The following RBMS1 variants were observed in gnomAD, a reference collection of about 807,000 sequenced individuals.
RBMS1 encodes the protein RNA-binding motif, single-stranded-interacting protein 1.
In RBMS1, 17 loss-of-function variants were observed where a neutral mutation model predicts 62.3. That is an observed-to-expected ratio of 0.27 (90% CI 0.19 to 0.41). The LOEUF (loss-of-function observed/expected upper bound fraction) is 0.41. Among genes scored for constraint, RBMS1 ranks in the 10% least tolerant of loss-of-function variants. The pLI, the probability that RBMS1 is intolerant of heterozygous loss-of-function variation, is 1.00. For synonymous variants in RBMS1, 172 were observed against 170.0 expected (o/e 1.01, Z -0.09); for missense variants, 334 against 504.5 (o/e 0.66, Z 3.24).
intron 1 of RBMS1, among the ~76,000 whole-genome samples, chr2:160,421,816 C>T (rs1474207547): frequency 6.6e-6 from 1 of 152,180 alleles, no homozygotes; most frequent in Admixed American, 6.5e-5. Context: ...CCTGTGGTTT[C>T]CTGACTTTTT....
At chr2:160,330,617 T>C (rs1016772385) in intron 2 of RBMS1, among the ~76,000 whole-genome samples, 3 of 143,104 alleles carry the variant, frequency 2.1e-5, no homozygotes, top group African/African-American at 7.6e-5. Flanking sequence ...CATGAAAATA[T>C]GTTTTTTTTT....
chr2:160,455,261 T>C (rs1186324800), intron 1 of RBMS1, among the ~76,000 whole-genome samples: 1 of 152,212 alleles, frequency 6.6e-6, no homozygotes, highest in Admixed American at 6.5e-5. Flanking sequence ...ATATAAGACA[T>C]GGTACAGGCT....
At chr2:160,302,552 A>G (rs1413217224) in intron 5 of RBMS1, 1 of 152,572 alleles carries the variant, frequency 6.6e-6, no homozygotes, top group Non-Finnish European at 1.5e-5. Context: ...TCTGTTGCCC[A>G]GGCTGGAGTG....
At chr2:160,491,458 A>C (rs1685824610) in intron 1 of RBMS1, among the ~76,000 whole-genome samples, 1 of 152,234 alleles carries the variant, frequency 6.6e-6, no homozygotes, top group Non-Finnish European at 1.5e-5. Flanking sequence ...TCCGACCCTA[A>C]TTACTAGAGC....
chr2:160,325,287 G>A (rs1278976712), intron 2 of RBMS1, among the ~76,000 whole-genome samples: 1 of 152,112 alleles, frequency 6.6e-6, no homozygotes, highest in Non-Finnish European at 1.5e-5. Context: ...GAAGTTACCT[G>A]ACTAAAGACC....
chr2:160,432,463 CG>C (rs1682939602), intron 1 of RBMS1: 1 of 152,140 alleles, frequency 6.6e-6, no homozygotes, highest in East Asian at 1.9e-4. Context: ...TTGGTATTCC[CG>C]AATGCCTTCC....
Position 160,278,668 on chromosome 2 carries a change from T to C in RBMS1, c.952-10A>G. On this transcript the variant is annotated splice_polypyrimidine_tract_variant and intron_variant, in intron 10 of 13. Transcript: ENST00000348849. ...GAGTTAACACGGCACCCTGGGGAGTTGGAGACAGGAGCAAAATTAGACAAA... is the reference window on the plus strand; with the variant it reads ...GAGTTAACACGGCACCCTGGGGAGTCGGAGACAGGAGCAAAATTAGACAAA... 1 of 1,587,660 alleles carries C rather than the reference T, an allele frequency of 6.3e-7. No homozygotes were observed. Among genetic ancestry groups the C allele is most frequent in the Non-Finnish European group, 8.6e-7 (1 of 1,162,630 alleles).
intron 1 of RBMS1, among the ~76,000 whole-genome samples, chr2:160,451,677 C>A (rs1384602975): frequency 2.6e-5 from 4 of 152,006 alleles, no homozygotes; most frequent in Admixed American, 2.0e-4. Flanking sequence ...GGTGCAATCT[C>A]GGCTCACTGC....
At chr2:160,399,316 A>G (rs1695315872) in intron 1 of RBMS1, among the ~76,000 whole-genome samples, 1 of 152,186 alleles carries the variant, frequency 6.6e-6, no homozygotes, top group Non-Finnish European at 1.5e-5. Context: ...CACATTTTGC[A>G]TACAATTTTA....
At chr2:160,402,145 T>A (rs56034159) in intron 1 of RBMS1, 104,735 of 150,712 alleles carry the variant, frequency 0.69, 36,718 homozygotes, top group East Asian at 0.88. Flanking sequence ...GATTAACAAC[T>A]ACCCTGTGAA....
intron 1 of RBMS1, among the ~76,000 whole-genome samples, chr2:160,375,601 A>T (rs943222663): frequency 4.6e-4 from 70 of 152,302 alleles, no homozygotes; most frequent in African/African-American, 1.5e-3. Context: ...TTCACATTCT[A>T]TTCAATCTCT....
chr2:160,374,616 T>C (rs1014780409), intron 1 of RBMS1, among the ~76,000 whole-genome samples: 2 of 145,624 alleles, frequency 1.4e-5, no homozygotes, highest in East Asian at 3.9e-4. Flanking sequence ...TCTATAAAAA[T>C]AATGTTTATA....
intron 2 of RBMS1, among the ~76,000 whole-genome samples, chr2:160,322,084 T>A (rs1396234659): frequency 2.0e-5 from 3 of 152,248 alleles, no homozygotes; most frequent in Non-Finnish European, 4.4e-5. Context: ...TTCCTACTTA[T>A]GTCCTAGACA....
intron 1 of RBMS1, among the ~76,000 whole-genome samples, chr2:160,473,135 T>C (rs1348024870): frequency 1.3e-5 from 2 of 152,232 alleles, no homozygotes; most frequent in Non-Finnish European, 2.9e-5. Context: ...ATTGTATACA[T>C]TGTTTGCCTT....
chr2:160,448,427 T>C (rs2105313564), intron 1 of RBMS1, among the ~76,000 whole-genome samples: 1 of 152,272 alleles, frequency 6.6e-6, no homozygotes, highest in African/African-American at 2.4e-5. Flanking sequence ...GCAGAGTGCC[T>C]GGGATTGCAG....
At chr2:160,466,304 T>G (rs1684687244) in intron 1 of RBMS1, among the ~76,000 whole-genome samples, 1 of 152,172 alleles carries the variant, frequency 6.6e-6, no homozygotes, top group Admixed American at 6.5e-5. Context: ...TATACGGTAC[T>G]GATATATTCT....
chr2:160,278,573 T>C lies in RBMS1; in HGVS notation c.1037A>G (p.His346Arg). 1 of 1,613,438 alleles carries C rather than the reference T, an allele frequency of 6.2e-7. No individual in the cohort carries two copies. Among genetic ancestry groups the C allele is most frequent in the African/African-American group, 1.3e-5 (1 of 75,016 alleles). Residue 346 changes from histidine to arginine, a missense_variant, in exon 11 of 14, where the codon CAT (histidine) becomes CGT (arginine). By Grantham distance (29) the His-to-Arg change is conservative. Around this residue, in one of 3 missense-constraint regions of RBMS1, gnomAD observed 182 missense variants for 257.7 expected, o/e 0.71. Transcript: ENST00000348849. ...TGTTCCGGTGCTGCCTAGTGACAGA[T>C]GACTCATCTGCTGGGCCAGAGGGCT... Reference protein sequence around the residue: ...MISPLAQQMSHLSLGSTGTYM... With the variant: ...MISPLAQQMSRLSLGSTGTYM...
chr2:160,292,952 G>A (rs528031605), intron 6 of RBMS1, among the ~76,000 whole-genome samples: 1 of 152,278 alleles, frequency 6.6e-6, no homozygotes, highest in South Asian at 2.1e-4. Context: ...GCCTGTTCCA[G>A]CGCTTTTGCT....
At chr2:160,365,195 T>A (rs1693331084) in intron 2 of RBMS1, among the ~76,000 whole-genome samples, 1 of 152,226 alleles carries the variant, frequency 6.6e-6, no homozygotes, top group South Asian at 2.1e-4. Flanking sequence ...TTTACTAGAT[T>A]CTCTGTGTTA....
Sources: gnomAD v4.1 joint callset for allele counts (sites outside exome capture counted in the v4.1 genomes callset) on GRCh38, gnomAD v4.1.1 for gene constraint, gnomAD v4.1.1 regional missense constraint, MANE v1.5 for transcripts, NCBI Gene and HGNC (gene_info 2026-07-23, HGNC 2026-07-21) for gene names.